The following EHBP1 variants were observed in gnomAD, a reference collection of about 807,000 sequenced individuals.
EHBP1 encodes the protein EH domain-binding protein 1.
In EHBP1, 55 loss-of-function variants were observed where a neutral mutation model predicts 144.0. The ratio of observed to expected loss-of-function variants is 0.38; its 90% CI spans 0.31 to 0.48. EHBP1 has a LOEUF of 0.48. Among genes scored for constraint, EHBP1 ranks in the 20% least tolerant of loss-of-function variants. The pLI is 0.98. For synonymous variants in EHBP1, 469 were observed against 472.7 expected, an observed-to-expected ratio of 0.99 and a Z score of 0.10; for missense variants, 1,200 against 1,364.2, an observed-to-expected ratio of 0.88 and a Z score of 1.90.
At chr2:62,811,891 C>G (rs1474537674) in intron 5 of EHBP1, among the ~76,000 whole-genome samples, 1 of 152,136 alleles carries the variant, frequency 6.6e-6, no homozygotes, top group Non-Finnish European at 1.5e-5. Flanking sequence ...AAGTCCAGTG[C>G]TGTGGTTTGA....
intron 2 of EHBP1, among the ~76,000 whole-genome samples, chr2:62,740,766 A>G (rs2038626083): frequency 6.6e-6 from 1 of 152,102 alleles, no homozygotes; most frequent in South Asian, 2.1e-4. Flanking sequence ...TTAATTTAGG[A>G]AAAGCTTGGA....
intron 17 of EHBP1, 45 bp downstream of exon 17, chr2:62,993,713 T>C (rs772819073): frequency 3.5e-5 from 41 of 1,159,994 alleles, no homozygotes; most frequent in Non-Finnish European, 4.8e-5. Context: ...GGTTTAACTA[T>C]ATATAGATAT....
intron 5 of EHBP1, among the ~76,000 whole-genome samples, chr2:62,792,332 T>C (rs1435182653): frequency 6.6e-6 from 1 of 152,056 alleles, no homozygotes; most frequent in Non-Finnish European, 1.5e-5. Flanking sequence ...CTTTCTTTTC[T>C]CTTCTTTTTA....
At chr2:62,708,129 A>T (rs190775380) in intron 2 of EHBP1, among the ~76,000 whole-genome samples, 2 of 152,320 alleles carry the variant, frequency 1.3e-5, no homozygotes, top group African/African-American at 4.8e-5. Context: ...GAAGGACTGT[A>T]ATTCAGGTCT....
At chr2:62,985,360 C>G (rs1028872110) in intron 15 of EHBP1, among the ~76,000 whole-genome samples, 5 of 152,136 alleles carry the variant, frequency 3.3e-5, no homozygotes, top group African/African-American at 1.2e-4. Context: ...GCTGCTCTAA[C>G]TTATAAAAGA....
At chr2:62,898,970 C>G (rs2053177395) in intron 10 of EHBP1, among the ~76,000 whole-genome samples, 1 of 152,084 alleles carries the variant, frequency 6.6e-6, no homozygotes, top group Admixed American at 6.6e-5. Context: ...ACGCAGATGG[C>G]AGAATTAACA....
At chr2:62,793,657 C>T (rs578217810) in intron 5 of EHBP1, among the ~76,000 whole-genome samples, 7 of 152,142 alleles carry the variant, frequency 4.6e-5, no homozygotes, top group African/African-American at 1.7e-4. Context: ...TATTACCTTT[C>T]AGGATATTAA....
In EHBP1 at chr2:62,993,893, A is replaced by T; in HGVS notation, c.2895A>T (p.Ile965=). ...NRPEMKRQRS[I]QEDTKKGNEE... is the part of the protein sequence containing the mutation. ...AAGAGATGAAAAGGCAGAGATCAAT[A>T]CAGGAAGATACAAAGAAAGGAAATG... Residue 965 remains isoleucine (I), a synonymous_variant, in exon 18 of 23, where the codon ATA becomes ATT. Transcript: ENST00000431489. 6.3e-7 allele frequency: 1 copy of T among 1,593,680 alleles called. No individual in the cohort carries two copies. The highest frequency in any genetic ancestry group is 8.6e-7 in the Non-Finnish European group (1 of 1,168,632).
intron 19 of EHBP1, among the ~76,000 whole-genome samples, chr2:63,007,043 T>C (rs2060067041): frequency 6.6e-6 from 1 of 151,832 alleles, no homozygotes; most frequent in Non-Finnish European, 1.5e-5. Context: ...AACGTATTGC[T>C]AAAGAAGCTT....
At chr2:62,872,905 A>C (rs1357899650) in intron 9 of EHBP1, among the ~76,000 whole-genome samples, 1 of 152,162 alleles carries the variant, frequency 6.6e-6, no homozygotes, top group Non-Finnish European at 1.5e-5. Flanking sequence ...CTGATCTAGA[A>C]GGGAAAAGGA....
chr2:62,736,508 G>A lies in EHBP1; in HGVS notation c.105-10887G>A, dbSNP rs186885833. ...CAAAGCGCTGGGATTATAGGCATGAGCCACTGTGCCCAGCCCCTCTTTGAT... is the reference window on the plus strand; with the variant it reads ...CAAAGCGCTGGGATTATAGGCATGAACCACTGTGCCCAGCCCCTCTTTGAT... On this transcript the variant is annotated intron_variant, in intron 2 of 22. Transcript: ENST00000431489. 2.6e-5 allele frequency among the ~76,000 whole-genome samples: 4 copies of A among 152,258 alleles called. No individual in the cohort carries two copies. The East Asian group carries it at 7.7e-4, about 29-fold the overall frequency.
intron 2 of EHBP1, among the ~76,000 whole-genome samples, chr2:62,712,152 G>C (rs954928545): frequency 2.0e-5 from 3 of 152,162 alleles, no homozygotes; most frequent in African/African-American, 7.2e-5. Context: ...GTGAGAGAAA[G>C]AGAAAAGGAT....
At chr2:62,845,067 C>T (rs2048194255) in intron 7 of EHBP1, among the ~76,000 whole-genome samples, 1 of 151,966 alleles carries the variant, frequency 6.6e-6, no homozygotes, top group African/African-American at 2.4e-5. Context: ...TTAAAATCCC[C>T]ATGCAACACA....
intron 5 of EHBP1, among the ~76,000 whole-genome samples, chr2:62,787,394 G>GCCCCCCC (rs72201800): frequency 1.4e-4 from 10 of 70,488 alleles, no homozygotes; most frequent in Admixed American, 3.6e-4. Flanking sequence ...CTGCACCGCT[G>GCCCCCCC]CCCCCCCCCC....
Position 62,867,682 on chromosome 2 carries a change from C to T in EHBP1, c.998+2711C>T, listed in dbSNP as rs773936574. On this transcript the variant is annotated intron_variant, in intron 9 of 22. Coordinates refer to ENST00000431489, the MANE Select transcript of EHBP1 (RefSeq NM_001142616.3). ...CCATCCCAATCAAAATTTTAGCATG[C>T]TTTTTAAAAAAATAATTTGTCAGCT... 3.4e-4 allele frequency among the ~76,000 whole-genome samples: 51 copies of T among 152,094 alleles called. 1 individual carries two copies. The highest frequency in any genetic ancestry group is 3.4e-3 in the Middle Eastern group (1 of 294).
intron 1 of EHBP1, among the ~76,000 whole-genome samples, chr2:62,695,934 A>G (rs1159445417): frequency 1.3e-5 from 2 of 151,934 alleles, no homozygotes; most frequent in South Asian, 4.2e-4. Context: ...GCTGGTCTCA[A>G]ACTCCTGAGC....
chr2:63,025,491 G>C (rs2060936929), intron 19 of EHBP1, among the ~76,000 whole-genome samples: 1 of 152,198 alleles, frequency 6.6e-6, no homozygotes, highest in African/African-American at 2.4e-5. Flanking sequence ...TTGAACTCCT[G>C]AGCTTAAATG....
chr2:62,873,246 G>A (rs1292307192), intron 9 of EHBP1, among the ~76,000 whole-genome samples: 1 of 152,084 alleles, frequency 6.6e-6, no homozygotes, highest in African/African-American at 2.4e-5. Flanking sequence ...TACTAGATTT[G>A]ACAGATAGAG....
chr2:63,045,757 C>A lies in EHBP1; in HGVS notation c.*257C>A. On this transcript the variant is annotated 3_prime_UTR_variant, in exon 23 of 23. Transcript: ENST00000431489. This position sits in a 1 kb window ranked among gnomAD's most constrained non-coding sequence, Gnocchi z 5.7. ...ATCCTGTGAAATAGATTTGCACAGA[C>A]ACCTTGTGAGTGATTGGTATTGGAG... The A allele has an allele frequency of 2.3e-6, 1 of 435,228 alleles. No individual in the cohort carries two copies. Among genetic ancestry groups the A allele is most frequent in the Non-Finnish European group, 4.2e-6 (1 of 237,356 alleles). The allele number at this position is 435,228 out of a possible 1,614,324, so 27.0% of individuals were successfully genotyped here. A position where few individuals can be genotyped will look rare whatever the true frequency, so the allele number is the denominator to read the frequency against.
Sources: gnomAD v4.1 joint callset for allele counts (sites outside exome capture counted in the v4.1 genomes callset) on GRCh38, gnomAD v4.1.1 for gene constraint, Gnocchi (gnomAD v3.1) non-coding constraint, MANE v1.5 for transcripts, NCBI Gene and HGNC (gene_info 2026-07-23, HGNC 2026-07-21) for gene names.